Variants in XKR6 observed in about 807,000 individuals in gnomAD.
The protein encoded by XKR6 is XK related 6, also known as XK-related protein 6.
XKR6 carries 22 observed loss-of-function variants against 56.7 expected under a neutral mutation model. The ratio of observed to expected loss-of-function variants is 0.39; its 90% CI spans 0.28 to 0.55. XKR6 has a LOEUF of 0.55. Among genes scored for constraint, XKR6 ranks in the 20% least tolerant of loss-of-function variants. The pLI is 0.66. For synonymous variants in XKR6, 524 were observed against 387.8 expected, an observed-to-expected ratio of 1.35 and a Z score of -4.13; for missense variants, 852 against 889.0, an observed-to-expected ratio of 0.96 and a Z score of 0.53.
chr8:11,057,420 C>T (rs6987072), intron 1 of XKR6, among the ~76,000 whole-genome samples: 2,811 of 152,304 alleles, frequency 0.018, 34 homozygotes, highest in Non-Finnish European at 0.025. Context: ...AACCACCTTT[C>T]GAATGAATGA....
intron 1 of XKR6, among the ~76,000 whole-genome samples, chr8:11,040,485 T>C (rs1159344017): frequency 6.6e-6 from 1 of 151,980 alleles, no homozygotes; most frequent in African/African-American, 2.4e-5. Flanking sequence ...TGAGCCATGA[T>C]TGCACCACAG....
At chr8:11,042,481 G>T (rs1374396943) in intron 1 of XKR6, among the ~76,000 whole-genome samples, 1 of 152,134 alleles carries the variant, frequency 6.6e-6, no homozygotes, top group African/African-American at 2.4e-5. Flanking sequence ...CACATACTCT[G>T]TTGTCTGCCA....
intron 1 of XKR6, among the ~76,000 whole-genome samples, chr8:10,968,058 C>A (rs966642526): frequency 6.6e-6 from 1 of 152,220 alleles, no homozygotes; most frequent in African/African-American, 2.4e-5. Context: ...CACCCCCCAG[C>A]CTTTCCTGTG....
chr8:11,119,631 T>A (rs1225095101), intron 1 of XKR6, among the ~76,000 whole-genome samples: 1 of 152,250 alleles, frequency 6.6e-6, no homozygotes, highest in South Asian at 2.1e-4. Flanking sequence ...TTGCAAACCC[T>A]GCCTTTTTTT....
intron 1 of XKR6, among the ~76,000 whole-genome samples, chr8:11,100,229 T>C (rs1002782686): frequency 3.3e-5 from 5 of 152,248 alleles, no homozygotes; most frequent in Middle Eastern, 3.4e-3. Flanking sequence ...ATTTTCCGTA[T>C]TTTTTGTAGA....
At position 11,201,255 on chromosome 8, in the gene XKR6, C is replaced by A; in HGVS notation, c.85G>T (p.Glu29Ter). ...NLDEAVGSGG[E>*]EDGEPGGGGC... ...CCTCCCCCGGGCTCCCCGTCCTCCT[C>A]GCCGCCGCTGCCCACCGCCTCGTCC... is the stretch of plus-strand genomic sequence containing the variant. Residue 29 changes from glutamate to a stop codon, truncating the protein, a stop_gained, in exon 1 of 3, where the codon GAG becomes TAG. Coordinates refer to ENST00000416569, the MANE Select transcript of XKR6 (RefSeq NM_173683.4). LOFTEE classifies it high-confidence loss of function. 1 of 1,567,870 alleles carries A rather than the reference C, an allele frequency of 6.4e-7. No homozygotes were observed. The highest frequency in any genetic ancestry group is 8.6e-7 in the Non-Finnish European group (1 of 1,167,642).
At chr8:11,149,542 C>T (rs151014344) in intron 1 of XKR6, among the ~76,000 whole-genome samples, 135 of 151,832 alleles carry the variant, frequency 8.9e-4, no homozygotes, top group African/African-American at 3.1e-3. Flanking sequence ...CTGCATCATA[C>T]TTTTGTAATA....
intron 2 of XKR6, among the ~76,000 whole-genome samples, chr8:10,915,484 T>A (rs567836843): frequency 1.3e-5 from 2 of 149,930 alleles, no homozygotes; most frequent in Non-Finnish European, 1.5e-5. Context: ...ATGAAACCCA[T>A]TGAGTTTGCC....
At chr8:11,071,109 A>G (rs1315624479) in intron 1 of XKR6, among the ~76,000 whole-genome samples, 3 of 152,120 alleles carry the variant, frequency 2.0e-5, no homozygotes, top group Admixed American at 2.0e-4. Context: ...GTTAATGGAT[A>G]CTCATATCAC....
At chr8:11,045,149 C>T (rs1455696027) in intron 1 of XKR6, among the ~76,000 whole-genome samples, 6 of 129,116 alleles carry the variant, frequency 4.6e-5, no homozygotes, top group Admixed American at 1.8e-4. Context: ...TGCAGTGGCA[C>T]GATCTCAGCT....
chr8:11,098,917 ATGAT>A (rs1798362769), intron 1 of XKR6, among the ~76,000 whole-genome samples: 1 of 152,194 alleles, frequency 6.6e-6, no homozygotes, highest in African/African-American at 2.4e-5. Context: ...GGAAAAAAAA[ATGAT>A]TATTAGGTTC....
At chr8:11,114,152 C>G in intron 1 of XKR6, 1 of 396,472 alleles carries the variant, frequency 2.5e-6, no homozygotes, top group South Asian at 1.9e-5. Context: ...TCTAACATGA[C>G]ACTAAAATAT....
intron 1 of XKR6, among the ~76,000 whole-genome samples, chr8:11,062,447 A>C (rs1586493620): frequency 6.6e-6 from 1 of 152,198 alleles, no homozygotes; most frequent in African/African-American, 2.4e-5. Flanking sequence ...GTAAGATCTT[A>C]TAAATCAAAT....
At chr8:11,047,442 C>A (rs893673755) in intron 1 of XKR6, among the ~76,000 whole-genome samples, 1 of 152,208 alleles carries the variant, frequency 6.6e-6, no homozygotes, top group Non-Finnish European at 1.5e-5. Flanking sequence ...CTACTGTGTA[C>A]ATTTACTGCT....
At chr8:10,952,846 G>A (rs1801766603) in intron 1 of XKR6, among the ~76,000 whole-genome samples, 1 of 152,194 alleles carries the variant, frequency 6.6e-6, no homozygotes, top group Non-Finnish European at 1.5e-5. Flanking sequence ...GAACCCAGCT[G>A]CACAGCAGGA....
At chr8:11,111,953 T>G (rs2129179929) in intron 1 of XKR6, 1 of 152,332 alleles carries the variant, frequency 6.6e-6, no homozygotes, top group African/African-American at 2.4e-5. Context: ...TTAGAAATGG[T>G]CAATAATTAC....
chr8:10,927,010 G>A (rs527649871), intron 1 of XKR6, among the ~76,000 whole-genome samples: 2 of 152,352 alleles, frequency 1.3e-5, no homozygotes, highest in South Asian at 2.1e-4. Flanking sequence ...GAAGGGGAAA[G>A]CAAAGGTGAA....
intron 1 of XKR6, among the ~76,000 whole-genome samples, chr8:11,107,211 T>TAA (rs1563140631): frequency 8.0e-5 from 12 of 149,754 alleles, no homozygotes; most frequent in African/African-American, 2.7e-4. Flanking sequence ...TTTTTTTTTT[T>TAA]AAATAAGAGA....
chr8:11,157,079 T>C (rs974458135), intron 1 of XKR6, among the ~76,000 whole-genome samples: 6 of 152,196 alleles, frequency 3.9e-5, no homozygotes, highest in African/African-American at 1.4e-4. Context: ...CAAAAATCCA[T>C]AGCCCAGCCT....
Sources: gnomAD v4.1 joint callset for allele counts (sites outside exome capture counted in the v4.1 genomes callset) on GRCh38, gnomAD v4.1.1 for gene constraint, MANE v1.5 for transcripts, NCBI Gene and HGNC (gene_info 2026-07-23, HGNC 2026-07-21) for gene names.